The following GALNTL5 variants were observed in gnomAD, a reference collection of about 807,000 sequenced individuals.
GALNTL5 encodes polypeptide N-acetylgalactosaminyltransferase like 5, also known as inactive polypeptide N-acetylgalactosaminyltransferase-like protein 5.
Under a neutral mutation model 51.0 loss-of-function variants are expected in GALNTL5, and 44 were observed. That is an observed-to-expected ratio of 0.86 (90% CI 0.68 to 1.11). GALNTL5 has a LOEUF of 1.11. Among genes scored for constraint, GALNTL5 ranks in the 50% least tolerant of loss-of-function variants. The pLI is 0.00. For synonymous variants in GALNTL5, 192 were observed against 182.8 expected, an observed-to-expected ratio of 1.05 and a Z score of -0.41; for missense variants, 528 against 531.8, an observed-to-expected ratio of 0.99 and a Z score of 0.07.
At chr7:151,980,018 C>T (rs1001011425) in intron 3 of GALNTL5, among the ~76,000 whole-genome samples, 9 of 152,240 alleles carry the variant, frequency 5.9e-5, no homozygotes, top group East Asian at 1.9e-4. Flanking sequence ...ATTGGCCTTC[C>T]GTTAATTCAG....
intron 3 of GALNTL5, among the ~76,000 whole-genome samples, chr7:151,973,607 A>G (rs1271358323): frequency 1.3e-5 from 2 of 152,214 alleles, no homozygotes; most frequent in East Asian, 3.8e-4. Flanking sequence ...CCGCTATTGT[A>G]TCTTGAAAAT....
At chr7:152,007,712 C>A in intron 6 of GALNTL5, 115 bp from the exon 7 acceptor site, 1 of 732,816 alleles carries the variant, frequency 1.4e-6, no homozygotes. Flanking sequence ...GCCTCCACAC[C>A]CGGCCTGTTT....
chr7:152,009,316 C>T (rs1289174514), intron 7 of GALNTL5, among the ~76,000 whole-genome samples: 3 of 152,206 alleles, frequency 2.0e-5, no homozygotes, highest in Admixed American at 1.3e-4. Context: ...GTTCCAGGAA[C>T]TGCCACCAGT....
intron 7 of GALNTL5, among the ~76,000 whole-genome samples, chr7:152,013,286 C>T (rs554743609): frequency 1.3e-5 from 2 of 151,864 alleles, no homozygotes; most frequent in East Asian, 3.9e-4. Context: ...CTCAAAACCC[C>T]CAGACATGCA....
At position 151,979,106 on chromosome 7, in the gene GALNTL5, C is replaced by CCTTTTTTT. The variant is rs1554405638; in HGVS notation, c.369-3880_369-3879insCTTTTTTT. Among the ~76,000 whole-genome samples the CCTTTTTTT allele has an allele frequency of 5.6e-5, 4 of 71,164 alleles. 1 individual carries two copies. Among genetic ancestry groups the CCTTTTTTT allele is most frequent in the Non-Finnish European group, 1.2e-4 (4 of 33,054 alleles). The allele number at this position is 71,164 out of a possible 152,430, so 46.7% of individuals were successfully genotyped here. On this transcript the variant is annotated intron_variant, in intron 3 of 8. Coordinates refer to ENST00000392800, the MANE Select transcript of GALNTL5 (RefSeq NM_145292.4). ...AAAGGCCATCCAAATTACTTTTACT[C>CCTTTTTTT]TTTTTTTTTTTTTTTTTTTTGGAGA... is the stretch of plus-strand genomic sequence containing the variant.
intron 7 of GALNTL5, among the ~76,000 whole-genome samples, chr7:152,010,585 T>C (rs948957094): frequency 6.6e-6 from 1 of 151,126 alleles, no homozygotes; most frequent in African/African-American, 2.4e-5. Context: ...CTGGCTAACA[T>C]GGTGAAACCC....
At chr7:151,964,114 G>A (rs930614362) in intron 1 of GALNTL5, among the ~76,000 whole-genome samples, 3 of 152,082 alleles carry the variant, frequency 2.0e-5, no homozygotes, top group Admixed American at 6.5e-5. Flanking sequence ...GGTTGCCTTC[G>A]CGCTGTGCCC....
chr7:151,972,865 G>A (rs1056949725), intron 3 of GALNTL5, among the ~76,000 whole-genome samples: 17 of 152,172 alleles, frequency 1.1e-4, no homozygotes, highest in Non-Finnish European at 1.6e-4. Flanking sequence ...CTAGGGTAAT[G>A]CAGAGGTGAA....
chr7:151,991,861 G>A (rs529156634), intron 5 of GALNTL5, among the ~76,000 whole-genome samples: 1 of 152,172 alleles, frequency 6.6e-6, no homozygotes, highest in Non-Finnish European at 1.5e-5. Context: ...AGAGATGATA[G>A]ATTAAAATGG....
intron 5 of GALNTL5, among the ~76,000 whole-genome samples, chr7:151,992,206 C>T (rs1443897940): frequency 6.7e-6 from 1 of 148,716 alleles, no homozygotes; most frequent in Non-Finnish European, 1.5e-5. Context: ...CCTTCTACCT[C>T]TAATGTTGAT....
intron 3 of GALNTL5, among the ~76,000 whole-genome samples, chr7:151,973,783 CA>C (rs1427614898): frequency 2.4e-5 from 3 of 125,806 alleles, no homozygotes; most frequent in Non-Finnish European, 3.6e-5. Flanking sequence ...TGGGAGGGGC[CA>C]GGGGCAGAAT....
At chr7:151,988,098 C>G (rs2081383761) in intron 5 of GALNTL5, among the ~76,000 whole-genome samples, 1 of 152,188 alleles carries the variant, frequency 6.6e-6, no homozygotes, top group Non-Finnish European at 1.5e-5. Context: ...CAGGGCTGCC[C>G]CAAGAGCCAT....
chr7:151,997,937 C>T (rs1431099282), intron 5 of GALNTL5, among the ~76,000 whole-genome samples: 3 of 152,042 alleles, frequency 2.0e-5, no homozygotes, highest in Non-Finnish European at 4.4e-5. Flanking sequence ...TGTGGTGGCT[C>T]ATGCTTGTAA....
rs147311961 is a variant in GALNTL5, at chr7:152,011,190, T to A, written c.1026+3246T>A. Among the ~76,000 whole-genome samples the A allele has an allele frequency of 9.6e-4, 147 of 152,334 alleles. 1 individual carries two copies. Among genetic ancestry groups the A allele is most frequent in the African/African-American group, 3.2e-3 (134 of 41,580 alleles). On this transcript the variant is annotated intron_variant, in intron 7 of 8. Transcript: ENST00000392800. ...AGACCCCACCAGCTCAGTTCCACCC[T>A]GTTTCTAAGTCACTTCCATCTGAGG...
rs1212427069 is a variant in GALNTL5, at chr7:152,002,886, T to C, written c.831T>C (p.Asp277=). The C allele has an allele frequency of 3.1e-6, 5 of 1,613,906 alleles. No individual in the cohort carries two copies. The highest frequency in any genetic ancestry group is 2.7e-5 in the African/African-American group (2 of 74,894). ...CTCCTCTTGTAAGGGGAACTTTTGA[T>C]TGGAACCTACAATTTAAATGGGATA... ...KPSPLVRGTF[D]WNLQFKWDNV... The change falls in exon 6 of 9, where the codon GAT becomes GAC. Residue 277 remains aspartate, a synonymous_variant. Coordinates refer to ENST00000392800, the MANE Select transcript of GALNTL5 (RefSeq NM_145292.4).
intron 3 of GALNTL5, among the ~76,000 whole-genome samples, chr7:151,971,554 G>A (rs935278000): frequency 3.3e-5 from 5 of 152,046 alleles, no homozygotes; most frequent in Non-Finnish European, 1.5e-5. Context: ...CTCTTTAAAT[G>A]TACAATACAG....
chr7:152,018,778 G>A (rs1299771248), intron 8 of GALNTL5, among the ~76,000 whole-genome samples: 4 of 152,080 alleles, frequency 2.6e-5, no homozygotes, highest in East Asian at 1.9e-4. Context: ...GGCAGAATGC[G>A]ATGGCAAAGA....
At chr7:152,000,813 T>C (rs1425038559) in intron 5 of GALNTL5, among the ~76,000 whole-genome samples, 1 of 152,210 alleles carries the variant, frequency 6.6e-6, no homozygotes, top group Non-Finnish European at 1.5e-5. Flanking sequence ...CTCATACAAG[T>C]CCTTTAGTAT....
At chr7:152,002,512 C>T (rs34203255) in intron 5 of GALNTL5, among the ~76,000 whole-genome samples, 54,051 of 152,040 alleles carry the variant, frequency 0.36, 9,981 homozygotes, top group Non-Finnish European at 0.4. Flanking sequence ...ACTGGCTTCC[C>T]CTCAACATCT....
Sources: gnomAD v4.1 joint callset for allele counts (sites outside exome capture counted in the v4.1 genomes callset) on GRCh38, gnomAD v4.1.1 for gene constraint, MANE v1.5 for transcripts, NCBI Gene and HGNC (gene_info 2026-07-23, HGNC 2026-07-21) for gene names.